The following ITPR2 variants were observed in gnomAD, a reference collection of about 807,000 sequenced individuals.
ITPR2 encodes the protein inositol 1,4,5-trisphosphate-gated calcium channel ITPR2.
Under a neutral mutation model 317.1 loss-of-function variants are expected in ITPR2, and 207 were observed. The ratio of observed to expected loss-of-function variants is 0.65; its 90% CI spans 0.58 to 0.73. The LOEUF (loss-of-function observed/expected upper bound fraction) is 0.73, where lower values mean the gene tolerates loss of function less well. ITPR2 is among the 30% of genes least tolerant of loss of function. ITPR2 has a pLI of 0.00. For missense variants in ITPR2, 2,613 were observed against 3,284.0 expected, an observed-to-expected ratio of 0.80 and a Z score of 4.99; for synonymous variants, 1,156 against 1,149.1, an observed-to-expected ratio of 1.01 and a Z score of -0.12.
At chr12:26,732,241 T>C (rs1353707003) in intron 2 of ITPR2, among the ~76,000 whole-genome samples, 2 of 152,230 alleles carry the variant, frequency 1.3e-5, no homozygotes, top group Non-Finnish European at 2.9e-5. Flanking sequence ...TAGCATTTTG[T>C]CATTACAGGC....
intron 37 of ITPR2, among the ~76,000 whole-genome samples, chr12:26,521,141 T>C (rs923864055): frequency 6.6e-6 from 1 of 152,018 alleles, no homozygotes; most frequent in East Asian, 1.9e-4. Context: ...ATTTATTTTA[T>C]TACCTGAAGA....
chr12:26,387,680 T>C, intron 54 of ITPR2, 86 bp from the exon 55 acceptor site: 3 of 1,320,090 alleles, frequency 2.3e-6, no homozygotes, highest in Non-Finnish European at 3.1e-6. Context: ...ACAATAATTA[T>C]TGTGAAAAAA....
At chr12:26,391,556 C>CTTTTTTTTTTTTTTTTT (rs1555117374) in intron 54 of ITPR2, among the ~76,000 whole-genome samples, 1 of 98,600 alleles carries the variant, frequency 1.0e-5, no homozygotes, top group African/African-American at 4.3e-5. Context: ...TCTTCTTTTC[C>CTTTTTTTTTTTTTTTTT]TTTTTTTTTT....
At chr12:26,644,592 C>G (rs930196328) in intron 21 of ITPR2, among the ~76,000 whole-genome samples, 1 of 152,176 alleles carries the variant, frequency 6.6e-6, no homozygotes, top group East Asian at 1.9e-4. Flanking sequence ...TCTTACATGG[C>G]AGCAGGCAAA....
intron 45 of ITPR2, among the ~76,000 whole-genome samples, chr12:26,449,494 C>T (rs1941688688): frequency 6.6e-6 from 1 of 152,278 alleles, no homozygotes; most frequent in East Asian, 1.9e-4. Flanking sequence ...TTTCTTCTTT[C>T]AAGCAACCTA....
intron 55 of ITPR2, among the ~76,000 whole-genome samples, chr12:26,386,440 G>C (rs922684845): frequency 6.6e-6 from 1 of 152,184 alleles, no homozygotes; most frequent in Non-Finnish European, 1.5e-5. Context: ...GGTAAACTAT[G>C]ACTATATGAA....
chr12:26,355,940 C>G (rs1487063645), intron 55 of ITPR2, among the ~76,000 whole-genome samples: 2 of 152,166 alleles, frequency 1.3e-5, no homozygotes, highest in African/African-American at 4.8e-5. Context: ...ACTAAACTTT[C>G]CCATTAGCAT....
intron 37 of ITPR2, among the ~76,000 whole-genome samples, chr12:26,503,312 A>T (rs1943116420): frequency 6.6e-6 from 1 of 152,168 alleles, no homozygotes; most frequent in Admixed American, 6.6e-5. Context: ...TGGCACTGGT[A>T]TTACTTATCA....
Position 26,611,055 on chromosome 12 carries a change from G to A in ITPR2, c.3463-8349C>T, listed in dbSNP as rs375478078. Among the ~76,000 whole-genome samples the A allele has an allele frequency of 4.3e-4, 65 of 152,310 alleles. 1 individual carries two copies. The highest frequency in any genetic ancestry group is 1.9e-3 in the South Asian group (9 of 4,822). On this transcript the variant is annotated intron_variant, in intron 26 of 56. Coordinates refer to ENST00000381340, the MANE Select transcript of ITPR2 (RefSeq NM_002223.4). ...CTATGGGGCAAGCTGGAGCGTAACC[G>A]TCTCAATAAAGGGACACACAAACTG...
chr12:26,415,858 G>C (rs1225819073), intron 50 of ITPR2, among the ~76,000 whole-genome samples: 1 of 151,976 alleles, frequency 6.6e-6, no homozygotes, highest in Non-Finnish European at 1.5e-5. Context: ...CTTTATTTTT[G>C]GTCTTACTGA....
At chr12:26,395,197 A>C (rs1248574014) in intron 54 of ITPR2, among the ~76,000 whole-genome samples, 1 of 152,132 alleles carries the variant, frequency 6.6e-6, no homozygotes, top group African/African-American at 2.4e-5. Context: ...GGGCAAAATC[A>C]AAACCTTCTA....
At chr12:26,674,767 A>G (rs1359689570) in intron 13 of ITPR2, among the ~76,000 whole-genome samples, 11 of 152,288 alleles carry the variant, frequency 7.2e-5, no homozygotes, top group African/African-American at 2.2e-4. Context: ...GCAACCCACA[A>G]AATGGGAGAA....
intron 2 of ITPR2, among the ~76,000 whole-genome samples, chr12:26,772,441 T>TA (rs1949866293): frequency 2.0e-5 from 2 of 101,262 alleles, no homozygotes; most frequent in Middle Eastern, 3.8e-3. Context: ...AATACATGTA[T>TA]TATATATATT....
chr12:26,739,048 A>G (rs1949183105), intron 2 of ITPR2, among the ~76,000 whole-genome samples: 1 of 152,256 alleles, frequency 6.6e-6, no homozygotes, highest in Non-Finnish European at 1.5e-5. Context: ...TAACAAGTAC[A>G]TAAAAATACA....
intron 37 of ITPR2, among the ~76,000 whole-genome samples, chr12:26,546,564 T>C (rs2136995743): frequency 6.6e-6 from 1 of 152,304 alleles, no homozygotes; most frequent in African/African-American, 2.4e-5. Context: ...AAAATTCATA[T>C]GGAACCAAAA....
chr12:26,800,383 TA>T (rs376088914), intron 1 of ITPR2, among the ~76,000 whole-genome samples: 16 of 152,242 alleles, frequency 1.1e-4, no homozygotes, highest in East Asian at 9.7e-4. Context: ...AATTATCAAC[TA>T]AAAAATATAA....
intron 55 of ITPR2, among the ~76,000 whole-genome samples, chr12:26,381,018 T>C (rs1339111559): frequency 1.3e-5 from 2 of 152,276 alleles, no homozygotes; most frequent in African/African-American, 4.8e-5. Context: ...GGGTGAGTTA[T>C]GCTGAAAACC....
At chr12:26,643,782 C>G (rs945411616) in intron 21 of ITPR2, among the ~76,000 whole-genome samples, 2 of 152,132 alleles carry the variant, frequency 1.3e-5, no homozygotes, top group African/African-American at 4.8e-5. Context: ...AAAGTGTTGA[C>G]AGAACGTCTG....
Position 26,483,794 on chromosome 12 carries a change from C to T in ITPR2, c.5916G>A (p.Leu1972=). ...ICGSTTGGLG[L]LGLYINEKNV... ...TCTTCTCATTGATGTAGAGACCCAA[C>T]AGGCCCAGGCCACCGGTTGTACTTC... The change falls in exon 42 of 57, where the codon CTG becomes CTA. Residue 1972 remains leucine (L), a synonymous_variant. Coordinates refer to ENST00000381340, the MANE Select transcript of ITPR2 (RefSeq NM_002223.4). The T allele has an allele frequency of 6.2e-7, 1 of 1,614,190 alleles. No homozygotes were observed.
Sources: gnomAD v4.1 joint callset for allele counts (sites outside exome capture counted in the v4.1 genomes callset) on GRCh38, gnomAD v4.1.1 for gene constraint, MANE v1.5 for transcripts, NCBI Gene and HGNC (gene_info 2026-07-23, HGNC 2026-07-21) for gene names.